Variants in SPINK5 observed in about 807,000 individuals in gnomAD.
SPINK5 encodes the protein serine protease inhibitor Kazal-type 5.
In SPINK5, 125 loss-of-function variants were observed where a neutral mutation model predicts 151.8. The observed-to-expected ratio is 0.82, with a 90% CI of 0.71 to 0.96. SPINK5 has a LOEUF of 0.96. SPINK5 is among the 40% of genes least tolerant of loss of function. The probability of loss-of-function intolerance (pLI) is 0.00; values close to 1 mark genes in which losing one functional copy is unlikely to be tolerated. For synonymous variants in SPINK5, 374 were observed against 395.3 expected (o/e 0.95, Z 0.64); for missense variants, 1,194 against 1,291.9 (o/e 0.92, Z 1.16).
At chr5:148,121,117 C>T (rs1488986372) in intron 26 of SPINK5, among the ~76,000 whole-genome samples, 1 of 113,218 alleles carries the variant, frequency 8.8e-6, no homozygotes, top group Non-Finnish European at 1.6e-5. Context: ...GCACACCAGC[C>T]TGGGCGACAG....
chr5:148,073,033 T>C (rs1021143072), intron 4 of SPINK5, among the ~76,000 whole-genome samples: 4 of 151,890 alleles, frequency 2.6e-5, no homozygotes, highest in Non-Finnish European at 5.9e-5. Flanking sequence ...AAATAAAAAT[T>C]TGGGGTCCAG....
intron 2 of SPINK5, among the ~76,000 whole-genome samples, chr5:148,069,613 G>A (rs569082352): frequency 1.3e-5 from 2 of 152,032 alleles, no homozygotes; most frequent in Non-Finnish European, 2.9e-5. Flanking sequence ...GGTGGTGGGG[G>A]TGGAAGTATG....
chr5:148,077,171 C>A (rs1258614971), intron 4 of SPINK5, among the ~76,000 whole-genome samples: 1 of 137,410 alleles, frequency 7.3e-6, no homozygotes, highest in African/African-American at 2.8e-5. Flanking sequence ...TATGGCTCAT[C>A]ATGATTAAAA....
intron 2 of SPINK5, among the ~76,000 whole-genome samples, chr5:148,067,102 A>G (rs949615055): frequency 1.3e-5 from 2 of 152,234 alleles, no homozygotes; most frequent in Non-Finnish European, 2.9e-5. Context: ...CACTGCAGCA[A>G]TCTGCAAGGA....
intron 28 of SPINK5, chr5:148,125,432 T>C (rs764267426): frequency 1.7e-5 from 20 of 1,169,524 alleles, no homozygotes; most frequent in Non-Finnish European, 2.5e-5. Flanking sequence ...GCATGCTTCA[T>C]GGGGAAAATG....
chr5:148,095,872 TG>T lies in SPINK5; in HGVS notation c.850del (p.Glu284LysfsTer11), dbSNP rs1581074967. The T allele has an allele frequency of 2.5e-6, 4 of 1,612,372 alleles. No individual in the cohort carries two copies. The highest frequency in any genetic ancestry group is 3.4e-6 in the Non-Finnish European group (4 of 1,179,004). On this transcript the variant is annotated frameshift_variant, in exon 10 of 33. Transcript: ENST00000256084. LOFTEE classifies it high-confidence loss of function. ...SKTDQNLGKA[E>X]EKTKVKREIV... ...AAACAGATCAAAATTTGGGAAAAGC[TG>T]AAGAAAAAACTAAAGTTAAAAGAGA... is the stretch of plus-strand genomic sequence containing the variant.
At chr5:148,123,695 A>C in intron 26 of SPINK5, 138 bp from the exon 27 acceptor site, 2 of 1,256,326 alleles carry the variant, frequency 1.6e-6, no homozygotes, top group South Asian at 2.6e-5. Flanking sequence ...AAGTGCCTTT[A>C]AAACATATTT....
At chr5:148,065,762 G>A (rs1317709888) in intron 2 of SPINK5, among the ~76,000 whole-genome samples, 2 of 152,110 alleles carry the variant, frequency 1.3e-5, no homozygotes, top group African/African-American at 4.8e-5. Context: ...GCAAAAGAGG[G>A]TGGTCTGTAT....
chr5:148,065,459 A>G (rs1385262910), intron 2 of SPINK5, 87 bp downstream of exon 2: 8 of 1,446,656 alleles, frequency 5.5e-6, no homozygotes, highest in African/African-American at 2.8e-5. Flanking sequence ...TGTTAATAAT[A>G]CAAACATATT....
At chr5:148,126,860 G>A (rs1474877354) in intron 29 of SPINK5, 123 bp from the exon 30 acceptor site, 1 of 770,580 alleles carries the variant, frequency 1.3e-6, no homozygotes, top group Non-Finnish European at 2.0e-6. Flanking sequence ...CCAAAATGCT[G>A]GGGTTACAGG....
intron 1 of SPINK5, among the ~76,000 whole-genome samples, 188 bp from the exon 2 acceptor site, chr5:148,065,159 T>C (rs531132367): frequency 1.5e-4 from 23 of 152,204 alleles, no homozygotes; most frequent in Non-Finnish European, 3.2e-4. Flanking sequence ...TGAGTATATA[T>C]ACTAATCTCC....
chr5:148,126,571 T>TTTTA (rs78833989), intron 29 of SPINK5, among the ~76,000 whole-genome samples: 9,496 of 149,696 alleles, frequency 0.063, 323 homozygotes, highest in Non-Finnish European at 0.076. Flanking sequence ...TGTGATTCTG[T>TTTTA]TTTATTTATT....
intron 9 of SPINK5, among the ~76,000 whole-genome samples, chr5:148,094,831 A>G (rs894158470): frequency 2.6e-5 from 4 of 151,926 alleles, no homozygotes; most frequent in African/African-American, 9.7e-5. Flanking sequence ...TTCTTCAGTA[A>G]TTATCCCATG....
chr5:148,080,864 G>C (rs753352535), intron 4 of SPINK5, among the ~76,000 whole-genome samples: 3 of 151,500 alleles, frequency 2.0e-5, no homozygotes, highest in Non-Finnish European at 4.4e-5. Flanking sequence ...GCAAGTTATA[G>C]ACTGGGAGAA....
At chr5:148,096,756 T>C (rs1753477097) in intron 10 of SPINK5, among the ~76,000 whole-genome samples, 1 of 150,922 alleles carries the variant, frequency 6.6e-6, no homozygotes, top group Non-Finnish European at 1.5e-5. Context: ...TCTTTTCTTT[T>C]TTTTTTTAAG....
chr5:148,070,642 A>G (rs1752713208), intron 3 of SPINK5, among the ~76,000 whole-genome samples, 192 bp downstream of exon 3: 1 of 152,124 alleles, frequency 6.6e-6, no homozygotes, highest in South Asian at 2.1e-4. Context: ...AAAGATTTTA[A>G]TAATCACTCA....
chr5:148,089,456 A>G (rs1238430380), intron 6 of SPINK5, 38 bp from the exon 7 acceptor site: 3 of 1,602,618 alleles, frequency 1.9e-6, no homozygotes, highest in Admixed American at 1.7e-5. Context: ...CAGCATTACA[A>G]TCTTGGTAAG....
intron 26 of SPINK5, among the ~76,000 whole-genome samples, chr5:148,123,521 G>GTGTATATATATATATA (rs1328976077): frequency 4.8e-4 from 12 of 25,016 alleles, no homozygotes; most frequent in African/African-American, 8.7e-4. Context: ...CAATATATGT[G>GTGTATATATATATATA]TATATATATA....
At chr5:148,130,987 G>A (rs1418121860) in intron 30 of SPINK5, among the ~76,000 whole-genome samples, 1 of 152,078 alleles carries the variant, frequency 6.6e-6, no homozygotes, top group Non-Finnish European at 1.5e-5. Context: ...AGGTAATTGT[G>A]TCACATATTA....
Sources: gnomAD v4.1 joint callset for allele counts (sites outside exome capture counted in the v4.1 genomes callset) on GRCh38, gnomAD v4.1.1 for gene constraint, MANE v1.5 for transcripts, NCBI Gene and HGNC (gene_info 2026-07-23, HGNC 2026-07-21) for gene names.